The following CTNNA3 variants were observed in gnomAD, a reference collection of about 807,000 sequenced individuals.
CTNNA3 encodes the protein catenin alpha 3.
CTNNA3 carries 76 observed loss-of-function variants against 95.7 expected under a neutral mutation model. That is an observed-to-expected ratio of 0.79 (90% CI 0.66 to 0.96). The LOEUF is 0.96. Ranked by LOEUF, CTNNA3 falls within the 40% of genes least tolerant of loss-of-function variation. CTNNA3 has a pLI of 0.00. For synonymous variants in CTNNA3, 431 were observed against 374.4 expected (o/e 1.15, Z -1.74); for missense variants, 1,191 against 1,089.8 (o/e 1.09, Z -1.31).
At chr10:66,539,977 C>T (rs1442916782) in intron 10 of CTNNA3, among the ~76,000 whole-genome samples, 3 of 152,042 alleles carry the variant, frequency 2.0e-5, no homozygotes, top group African/African-American at 4.8e-5. Flanking sequence ...ATGTTGTCTT[C>T]CCTCCCTAAC....
rs1454902490 is a variant in CTNNA3 at position 67,245,735 on chromosome 10, G to T, written c.580-25865C>A. Among the ~76,000 whole-genome samples the T allele has an allele frequency of 7.2e-5, 11 of 151,886 alleles. No individual in the cohort carries two copies. In the East Asian group the frequency reaches 2.1e-3, roughly 30 times the overall value. On this transcript the variant is annotated intron_variant, in intron 5 of 17. Transcript: ENST00000433211. ...TAGCTGGGCATGGTGGCATGTACCTGTAGTCCCAGCTACTCAAGAGGCTGA... is the reference window on the plus strand; with the variant it reads ...TAGCTGGGCATGGTGGCATGTACCTTTAGTCCCAGCTACTCAAGAGGCTGA...
chr10:66,253,127 A>G (rs551895697), intron 13 of CTNNA3, among the ~76,000 whole-genome samples: 2 of 152,320 alleles, frequency 1.3e-5, no homozygotes, highest in South Asian at 2.1e-4. Context: ...TCTGGATTCA[A>G]ATCAATGATA....
At position 66,284,675 on chromosome 10, in the gene CTNNA3, C is replaced by T. The variant is rs577482808; in HGVS notation, c.1733-4054G>A. Among the ~76,000 whole-genome samples the T allele has an allele frequency of 3.3e-3, 495 of 152,008 alleles. 2 individuals carry two copies. Among genetic ancestry groups the T allele is most frequent in the Non-Finnish European group, 4.2e-3 (285 of 67,908 alleles). On this transcript the variant is annotated intron_variant, in intron 12 of 17. Transcript: ENST00000433211. Reference sequence around the variant, plus strand: ...TAAATAGGTCAGAAAAGAATTCAGACTCATTACAATAATGATCTAAAAATG... The same window carrying T: ...TAAATAGGTCAGAAAAGAATTCAGATTCATTACAATAATGATCTAAAAATG...
intron 7 of CTNNA3, among the ~76,000 whole-genome samples, chr10:67,153,078 C>T (rs1365493304): frequency 2.0e-5 from 3 of 151,896 alleles, no homozygotes; most frequent in Non-Finnish European, 2.9e-5. Flanking sequence ...CAGATTCAAG[C>T]GATTCTCCTG....
At chr10:66,468,903 C>A (rs892963399) in intron 11 of CTNNA3, among the ~76,000 whole-genome samples, 1 of 151,708 alleles carries the variant, frequency 6.6e-6, no homozygotes, top group African/African-American at 2.4e-5. Context: ...ACAATTTAAT[C>A]TTCCCATATT....
chr10:66,344,196 C>T (rs1206571214), intron 12 of CTNNA3, among the ~76,000 whole-genome samples: 1 of 143,804 alleles, frequency 7.0e-6, no homozygotes, highest in Non-Finnish European at 1.5e-5. Context: ...CATTGCACTC[C>T]AGCCTGGGGG....
At chr10:66,724,803 C>A (rs1848731051) in intron 9 of CTNNA3, among the ~76,000 whole-genome samples, 2 of 152,064 alleles carry the variant, frequency 1.3e-5, no homozygotes, top group African/African-American at 4.8e-5. Flanking sequence ...CTTCTGAGAC[C>A]AATAAATTAG....
At chr10:66,928,321 C>A in intron 7 of CTNNA3, 1 of 1,614,156 alleles carries the variant, frequency 6.2e-7, no homozygotes, top group Non-Finnish European at 8.5e-7. Flanking sequence ...AAGACAGTCC[C>A]TAAAGCAAAT....
At chr10:66,763,131 T>C (rs1226694197) in intron 9 of CTNNA3, among the ~76,000 whole-genome samples, 1 of 152,076 alleles carries the variant, frequency 6.6e-6, no homozygotes, top group African/African-American at 2.4e-5. Flanking sequence ...CATATTGTCC[T>C]CTAAAACTGA....
In CTNNA3 at chr10:66,360,658, T is replaced by TCTTC. The variant is rs367718579; in HGVS notation, c.1732+18490_1732+18493dup. On this transcript the variant is annotated intron_variant, in intron 12 of 17. Transcript: ENST00000433211. The stretch of plus-strand genomic sequence containing the variant: ...TTCTTTCTTTCTTTCTTTCTTTCTT[T>TCTTC]CTTCCTTCCTTCCTTCCTTCCTTCC... Among the ~76,000 whole-genome samples, 30 of 48,976 alleles carry TCTTC rather than the reference T, an allele frequency of 6.1e-4. 1 individual carries two copies. The highest frequency in any genetic ancestry group is 1.5e-3 in the African/African-American group (21 of 13,896). The allele number at this position is 48,976 out of a possible 152,430, so 32.1% of individuals were successfully genotyped here.
At chr10:67,189,297 A>G (rs932990468) in intron 6 of CTNNA3, among the ~76,000 whole-genome samples, 6 of 152,152 alleles carry the variant, frequency 3.9e-5, no homozygotes, top group African/African-American at 1.4e-4. Context: ...CACAGAGTGG[A>G]GTGGTGGTTA....
intron 5 of CTNNA3, among the ~76,000 whole-genome samples, chr10:67,283,206 A>T (rs1340104045): frequency 1.3e-5 from 2 of 152,168 alleles, no homozygotes; most frequent in Non-Finnish European, 2.9e-5. Context: ...CTTCACCAGG[A>T]ATGTCAGGCA....
chr10:67,129,771 G>A (rs1465183307), intron 7 of CTNNA3, among the ~76,000 whole-genome samples: 1 of 152,128 alleles, frequency 6.6e-6, no homozygotes, highest in Admixed American at 6.6e-5. Flanking sequence ...AACCTTGGTT[G>A]AGACCTCACT....
chr10:66,782,456 T>C (rs922750622), intron 7 of CTNNA3, among the ~76,000 whole-genome samples: 2 of 152,088 alleles, frequency 1.3e-5, no homozygotes, highest in South Asian at 4.2e-4. Flanking sequence ...AATTGTCTCA[T>C]TCTCTGTATC....
At chr10:66,692,783 C>T (rs543565183) in intron 9 of CTNNA3, among the ~76,000 whole-genome samples, 1 of 152,096 alleles carries the variant, frequency 6.6e-6, no homozygotes, top group Non-Finnish European at 1.5e-5. Context: ...ACTCTACAAG[C>T]CAGAAGAGAG....
intron 9 of CTNNA3, among the ~76,000 whole-genome samples, chr10:66,732,930 G>T (rs535915888): frequency 7.3e-4 from 111 of 152,034 alleles, no homozygotes; most frequent in Admixed American, 1.7e-3. Context: ...TGAGTAGCTG[G>T]GATTACAGGC....
intron 11 of CTNNA3, among the ~76,000 whole-genome samples, chr10:66,467,983 TAGTA>T (rs1473741051): frequency 4.6e-4 from 70 of 152,158 alleles, no homozygotes; most frequent in African/African-American, 1.7e-3. Context: ...CTTAGCGTAA[TAGTA>T]AGTAACAGAC....
At position 67,233,157 on chromosome 10, in the gene CTNNA3, G is replaced by A. The variant is rs545678738; in HGVS notation, c.580-13287C>T. 2.6e-3 allele frequency among the ~76,000 whole-genome samples: 368 copies of A among 141,128 alleles called. 11 individuals are homozygous for A. Among genetic ancestry groups the A allele is most frequent in the Admixed American group, 0.02 (273 of 13,742 alleles). The allele number at this position is 141,128 out of a possible 152,430, so 92.6% of individuals were successfully genotyped here. On this transcript the variant is annotated intron_variant, in intron 5 of 17. Coordinates refer to ENST00000433211, the MANE Select transcript of CTNNA3 (RefSeq NM_013266.4). ...AATTGAACTCAGCTCCGCACCAAGC[G>A]GACCTAATAGACATCTACAGAACTC...
At chr10:66,936,146 A>T (rs1279701058) in intron 7 of CTNNA3, among the ~76,000 whole-genome samples, 1 of 152,164 alleles carries the variant, frequency 6.6e-6, no homozygotes, top group Non-Finnish European at 1.5e-5. Context: ...AAATCTACAT[A>T]TATTTTTATG....
Sources: allele counts gnomAD v4.1 joint callset (sites outside exome capture counted in the v4.1 genomes callset), GRCh38; gene constraint gnomAD v4.1.1; transcripts MANE v1.5; gene names NCBI Gene and HGNC (gene_info 2026-07-23, HGNC 2026-07-21).